The following SYN1 variants were observed in gnomAD, a reference collection of about 807,000 sequenced individuals.
The protein encoded by SYN1 is synapsin I.
A neutral mutation model predicts 44.6 loss-of-function variants in SYN1; 8 were observed. That is an observed-to-expected ratio of 0.18 (90% CI 0.11 to 0.32). The LOEUF (loss-of-function observed/expected upper bound fraction) is 0.32. SYN1 is among the 10% of genes least tolerant of loss of function. The pLI is 1.00. For missense variants in SYN1, 451 were observed against 639.4 expected, an observed-to-expected ratio of 0.71 and a Z score of 3.18; for synonymous variants, 275 against 280.1, an observed-to-expected ratio of 0.98 and a Z score of 0.18.
intron 1 of SYN1, among the ~76,000 whole-genome samples, chrX:47,607,738 A>AAC (rs1779398650): frequency 9.3e-6 from 1 of 107,424 alleles, no homozygotes; most frequent in South Asian, 4.1e-4. Flanking sequence ...AAAAAAAAAA[A>AAC]AAAAAAACAA....
intron 5 of SYN1, chrX:47,586,733 C>T: frequency 1.7e-6 from 2 of 1,169,267 alleles, no homozygotes; most frequent in Non-Finnish European, 2.3e-6. Context: ...CAGTGTCCAC[C>T]CTGTTCCCAC....
intron 5 of SYN1, chrX:47,585,097 G>A: frequency 2.6e-6 from 3 of 1,165,832 alleles, no homozygotes; most frequent in Non-Finnish European, 3.5e-6. Context: ...CCACTGGTTG[G>A]TGCGAGAAAG....
At chrX:47,607,745 A>AAC (rs2057902851) in intron 1 of SYN1, among the ~76,000 whole-genome samples, 2 of 107,265 alleles carry the variant, frequency 1.9e-5, no homozygotes, top group Admixed American at 1.0e-4. Context: ...AAAAAAAAAA[A>AAC]CAAAAGCCGA....
At chrX:47,575,793 C>T (rs953636114) in intron 9 of SYN1, among the ~76,000 whole-genome samples, 3 of 111,788 alleles carry the variant, frequency 2.7e-5, no homozygotes, top group Non-Finnish European at 5.6e-5. Context: ...TCACGGTTTT[C>T]TAGGTGCTTT....
intron 1 of SYN1, among the ~76,000 whole-genome samples, chrX:47,609,050 A>C (rs2057909674): frequency 9.4e-6 from 1 of 106,789 alleles, no homozygotes; most frequent in South Asian, 3.9e-4. Context: ...CATCGCTGAC[A>C]CTATCCCCTC....
intron 1 of SYN1, among the ~76,000 whole-genome samples, 174 bp downstream of exon 1, chrX:47,619,178 G>C (rs765280244): frequency 1.8e-5 from 2 of 111,466 alleles, no homozygotes; most frequent in African/African-American, 6.5e-5. Flanking sequence ...AGGGGCGGAG[G>C]GGGGCGACAA....
At chrX:47,618,705 C>G (rs1279791714) in intron 1 of SYN1, among the ~76,000 whole-genome samples, 1 of 111,285 alleles carries the variant, frequency 9.0e-6, no homozygotes, top group East Asian at 2.8e-4. Flanking sequence ...CTCACAGGAT[C>G]CATGAAAGGC....
At chrX:47,603,172 G>T (rs778253816) in intron 5 of SYN1, among the ~76,000 whole-genome samples, 56 of 111,281 alleles carry the variant, frequency 5.0e-4, no homozygotes, top group African/African-American at 1.7e-3. Flanking sequence ...TACACTGTTT[G>T]TACTAATGGT....
At chrX:47,579,621 C>T (rs1201189675) in intron 5 of SYN1, among the ~76,000 whole-genome samples, 1 of 110,726 alleles carries the variant, frequency 9.0e-6, no homozygotes, top group African/African-American at 3.3e-5. Context: ...CGGATCCACA[C>T]GACTCCTCAT....
At chrX:47,585,270 GGA>G (rs2057818602) in intron 5 of SYN1, 1 of 1,210,876 alleles carries the variant, frequency 8.3e-7, no homozygotes, top group Non-Finnish European at 1.1e-6. Flanking sequence ...CCCCCGCCAT[GGA>G]GAGTGTCTGC....
intron 4 of SYN1, 42 bp downstream of exon 4, chrX:47,605,181 T>C: frequency 8.3e-7 from 1 of 1,204,759 alleles, no homozygotes; most frequent in Non-Finnish European, 1.1e-6. Flanking sequence ...CATACATGCA[T>C]GAGCTGTTCC....
rs765045862 is a variant in SYN1 at position 47,619,410 on chromosome X, C to T, written c.319G>A (p.Gly107Ser). Residue 107 changes from glycine (G) to serine (S), a missense_variant, in exon 1 of 13, where the codon GGC (glycine) becomes AGC (serine). Coordinates refer to ENST00000295987, the MANE Select transcript of SYN1 (RefSeq NM_006950.3). Reference sequence around the variant, plus strand: ...ACCCTGGAGGCGGCTCCCCCGCGGCCTGCGCCCCCAGAGCCGCCGCCCACC... The same window carrying T: ...ACCCTGGAGGCGGCTCCCCCGCGGCTTGCGCCCCCAGAGCCGCCGCCCACC... ...EQVGGGSGGA[G>S]RGGAASRVLL... 2.3e-5 allele frequency: 27 copies of T among 1,188,126 alleles called. No individual in the cohort carries two copies. The African/African-American group carries it at 4.6e-4, about 20-fold the overall frequency.
At chrX:47,590,476 C>A (rs2057844138) in intron 5 of SYN1, among the ~76,000 whole-genome samples, 1 of 112,208 alleles carries the variant, frequency 8.9e-6, no homozygotes, top group Non-Finnish European at 1.9e-5. Context: ...CAAATTCTGT[C>A]CCCAGTCCGT....
At chrX:47,598,358 A>G (rs1404849902) in intron 5 of SYN1, among the ~76,000 whole-genome samples, 2 of 110,724 alleles carry the variant, frequency 1.8e-5, no homozygotes. Flanking sequence ...TTGGAGTAAT[A>G]TAAATAATGA....
intron 1 of SYN1, among the ~76,000 whole-genome samples, chrX:47,614,790 G>T (rs755851991): frequency 8.9e-6 from 1 of 112,092 alleles, no homozygotes; most frequent in East Asian, 2.8e-4. Flanking sequence ...CTCCTCCCAG[G>T]GGGCAGCCTA....
chrX:47,583,625 G>T (rs760136486), intron 5 of SYN1: 19 of 1,003,435 alleles, frequency 1.9e-5, no homozygotes, highest in Non-Finnish European at 2.3e-5. Flanking sequence ...CCTCTAGAAT[G>T]ATTCCACTCG....
At chrX:47,610,656 G>A (rs2057914132) in intron 1 of SYN1, among the ~76,000 whole-genome samples, 1 of 110,342 alleles carries the variant, frequency 9.1e-6, no homozygotes, top group East Asian at 2.8e-4. Context: ...GGGCGAAGGA[G>A]GTAGAACAGG....
At chrX:47,601,554 C>T (rs1603068793) in intron 5 of SYN1, among the ~76,000 whole-genome samples, 1 of 111,092 alleles carries the variant, frequency 9.0e-6, no homozygotes. Flanking sequence ...CCCAGGGGTT[C>T]AAGACCAGCC....
intron 1 of SYN1, among the ~76,000 whole-genome samples, chrX:47,609,039 C>CACACACACACACACA (rs773314743): frequency 9.2e-6 from 1 of 109,020 alleles, no homozygotes; most frequent in Non-Finnish European, 1.9e-5. Context: ...CACACACACA[C>CACACACACACACACA]CATCGCTGAC....
Sources: gnomAD v4.1 joint callset for allele counts (sites outside exome capture counted in the v4.1 genomes callset) on GRCh38, gnomAD v4.1.1 for gene constraint, MANE v1.5 for transcripts, NCBI Gene and HGNC (gene_info 2026-07-23, HGNC 2026-07-21) for gene names.